The following RELCH variants were observed in gnomAD, a reference collection of about 807,000 sequenced individuals.
RELCH encodes RAB11 binding and LisH domain, coiled-coil and HEAT repeat containing, also known as RAB11-binding protein RELCH.
In RELCH, 41 loss-of-function variants were observed where a neutral mutation model predicts 150.3. That is an observed-to-expected ratio of 0.27 (90% CI 0.21 to 0.35). The LOEUF is 0.35. Ranked by LOEUF, RELCH falls within the 10% of genes least tolerant of loss-of-function variation. The pLI, the probability that RELCH is intolerant of heterozygous loss-of-function variation, is 1.00. For synonymous variants in RELCH, 478 were observed against 531.8 expected, an observed-to-expected ratio of 0.90 and a Z score of 1.39; for missense variants, 1,092 against 1,467.8, an observed-to-expected ratio of 0.74 and a Z score of 4.18.
At chr18:62,191,964 T>A (rs1363770662) in intron 1 of RELCH, among the ~76,000 whole-genome samples, 1 of 152,214 alleles carries the variant, frequency 6.6e-6, no homozygotes, top group East Asian at 1.9e-4. Context: ...CTTAGAGGAA[T>A]CACCACGCTG....
At chr18:62,260,747 G>A (rs1328402680) in intron 15 of RELCH, among the ~76,000 whole-genome samples, 1 of 151,876 alleles carries the variant, frequency 6.6e-6, no homozygotes, top group Non-Finnish European at 1.5e-5. Context: ...ATTAAAAAAA[G>A]AATGCTATCC....
At chr18:62,266,632 A>G in intron 18 of RELCH, 69 bp from the exon 19 acceptor site, 1 of 950,138 alleles carries the variant, frequency 1.1e-6, no homozygotes, top group Non-Finnish European at 1.7e-6. Flanking sequence ...CAACAGTAGT[A>G]AACATTTCAT....
chr18:62,206,290 C>T (rs2039774215), intron 1 of RELCH, among the ~76,000 whole-genome samples: 1 of 152,142 alleles, frequency 6.6e-6, no homozygotes, highest in Non-Finnish European at 1.5e-5. Flanking sequence ...CAAGCTATTA[C>T]TTAGCAGGTA....
chr18:62,187,396 TG>T lies in RELCH; in HGVS notation c.-108del. On this transcript the variant is annotated 5_prime_UTR_variant, in exon 1 of 29. Coordinates refer to ENST00000644646, the MANE Select transcript of RELCH (RefSeq NM_001346231.2). ...TGTCTCTAAGTCGGGAGGCAGGACG[TG>T]GTCAGGCCGGGGCTGTGGAGGTGCG... 9.4e-7 allele frequency: 1 copy of T among 1,061,534 alleles called. No individual in the cohort carries two copies. The highest frequency in any genetic ancestry group is 1.3e-6 in the Non-Finnish European group (1 of 775,164). The allele number at this position is 1,061,534 out of a possible 1,614,324, so 65.8% of individuals were successfully genotyped here. A position where few individuals can be genotyped will look rare whatever the true frequency, so the allele number is the denominator to read the frequency against.
At chr18:62,262,368 A>C (rs2043317905) in intron 16 of RELCH, among the ~76,000 whole-genome samples, 1 of 152,056 alleles carries the variant, frequency 6.6e-6, no homozygotes, top group South Asian at 2.1e-4. Flanking sequence ...CAGAGTTGTG[A>C]AATTATCCAT....
In RELCH at chr18:62,227,440, C is replaced by G; in HGVS notation, c.1010C>G (p.Thr337Arg). 6.2e-7 allele frequency: 1 copy of G among 1,613,292 alleles called. No homozygotes were observed. The highest frequency in any genetic ancestry group is 8.5e-7 in the Non-Finnish European group (1 of 1,179,608). Reference sequence around the variant, plus strand: ...GAAGAAGATGAATTAGAGGCCCTTACACCAATTATAAGCAACCTTCCTCCA... The same window carrying G: ...GAAGAAGATGAATTAGAGGCCCTTAGACCAATTATAAGCAACCTTCCTCCA... ...GVEEDELEALTPIISNLPPTL... is the reference protein window; with the variant it reads ...GVEEDELEALRPIISNLPPTL... The change falls in exon 6 of 29, where the codon ACA becomes AGA. Residue 337 changes from threonine (T) to arginine (R), a missense_variant. Coordinates refer to ENST00000644646, the MANE Select transcript of RELCH (RefSeq NM_001346231.2).
At chr18:62,300,731 C>G (rs2045627567) in intron 28 of RELCH, 1 of 152,092 alleles carries the variant, frequency 6.6e-6, no homozygotes, top group Non-Finnish European at 1.5e-5. Flanking sequence ...GAGTACATCC[C>G]AAGTGGTAAA....
In RELCH at chr18:62,253,310, T is replaced by TGTGC. The variant is rs1340607833; in HGVS notation, c.1824+558_1824+559insGCGT. On this transcript the variant is annotated intron_variant, in intron 12 of 28. Coordinates refer to ENST00000644646, the MANE Select transcript of RELCH (RefSeq NM_001346231.2). Reference sequence around the variant, plus strand: ...GTGTGTGTGTGTGTGTGTGTGTGTGTGTAAATAGAAATATATATTGTATAC... The same window carrying TGTGC: ...GTGTGTGTGTGTGTGTGTGTGTGTGTGTGCGTAAATAGAAATATATATTGTATAC... Among the ~76,000 whole-genome samples, 22 of 148,370 alleles carry TGTGC rather than the reference T, an allele frequency of 1.5e-4. 1 individual carries two copies. Among genetic ancestry groups the TGTGC allele is most frequent in the Admixed American group, 1.5e-3 (22 of 14,986 alleles).
Position 62,275,466 on chromosome 18 carries a change from T to C in RELCH, c.2960T>C (p.Met987Thr), listed in dbSNP as rs372735779. The C allele has an allele frequency of 6.2e-7, 1 of 1,603,202 alleles. No homozygotes were observed. Reference sequence around the variant, plus strand: ...CTCGTGAGGTGTACTGCTGCTAGAATGTTTGAGGTATGTCAACACATGCCT... The same window carrying C: ...CTCGTGAGGTGTACTGCTGCTAGAACGTTTGAGGTATGTCAACACATGCCT... Reference protein sequence around the residue: ...SALVRCTAARMFELLVKGVNE... With the variant: ...SALVRCTAARTFELLVKGVNE... The change falls in exon 22 of 29, where the codon ATG becomes ACG. Residue 987 changes from methionine to threonine, a missense_variant. Met to Thr is a moderately conservative substitution (Grantham distance 81). Around this residue, in one of 4 missense-constraint regions of RELCH, gnomAD observed 707 missense variants for 1,025.4 expected, o/e 0.69. Transcript: ENST00000644646.
At chr18:62,301,286 G>A (rs528044872) in intron 28 of RELCH, among the ~76,000 whole-genome samples, 4 of 152,290 alleles carry the variant, frequency 2.6e-5, no homozygotes, top group African/African-American at 9.6e-5. Context: ...AGACAATAAA[G>A]AATTCTGTGT....
At chr18:62,263,684 G>A (rs1335806909) in intron 16 of RELCH, among the ~76,000 whole-genome samples, 1 of 151,774 alleles carries the variant, frequency 6.6e-6, no homozygotes, top group African/African-American at 2.4e-5. Flanking sequence ...ATTTATGTCA[G>A]GCATTGTTTT....
chr18:62,252,686 G>A lies in RELCH; in HGVS notation c.1756G>A (p.Val586Met). 3 of 1,613,974 alleles carry A rather than the reference G, an allele frequency of 1.9e-6. No individual in the cohort carries two copies. Among genetic ancestry groups the A allele is most frequent in the Non-Finnish European group, 2.5e-6 (3 of 1,179,918 alleles). Residue 586 changes from valine (V) to methionine (M), a missense_variant, in exon 12 of 29, where the codon GTG (valine) becomes ATG (methionine). By Grantham distance (21) the Val-to-Met change is conservative. This residue lies in a region of RELCH where 707 missense variants were observed against 1,025.4 expected (regional missense o/e 0.69). Coordinates refer to ENST00000644646, the MANE Select transcript of RELCH (RefSeq NM_001346231.2). The part of the protein sequence containing the change: ...EQRQMILTGC[V>M]AFARHVGPTR... The stretch of plus-strand genomic sequence containing the variant: ...CAGGCAAATGATACTGACAGGTTGT[G>A]TGGCATTTGCGCGTCATGTTGGACC...
intron 15 of RELCH, 123 bp downstream of exon 15, chr18:62,258,799 C>A: frequency 1.7e-6 from 1 of 576,102 alleles, no homozygotes; most frequent in African/African-American, 2.0e-5. Context: ...AATACATTAC[C>A]AGTTAAAGAT....
At chr18:62,198,849 T>C (rs1456126267) in intron 1 of RELCH, among the ~76,000 whole-genome samples, 2 of 152,060 alleles carry the variant, frequency 1.3e-5, no homozygotes, top group African/African-American at 4.8e-5. Context: ...AATTTTTTAA[T>C]TTCTTCTCTT....
chr18:62,265,283 C>G (rs570999751), intron 18 of RELCH, among the ~76,000 whole-genome samples: 1 of 151,990 alleles, frequency 6.6e-6, no homozygotes, highest in Admixed American at 6.6e-5. Context: ...AAACTTGCTG[C>G]GAAGATGCCA....
At chr18:62,198,233 C>A (rs2039178221) in intron 1 of RELCH, among the ~76,000 whole-genome samples, 1 of 152,246 alleles carries the variant, frequency 6.6e-6, no homozygotes, top group Admixed American at 6.5e-5. Flanking sequence ...TAAACCTCAA[C>A]TGACAGCCAA....
At chr18:62,232,178 CTGT>C (rs536910477) in intron 9 of RELCH, among the ~76,000 whole-genome samples, 151 bp from the exon 10 acceptor site, 3,518 of 149,814 alleles carry the variant, frequency 0.023, 61 homozygotes, top group Middle Eastern at 0.065. Context: ...GCTGCTGCTG[CTGT>C]TGTTGTTGTT....
At chr18:62,190,131 C>CA (rs1205083649) in intron 1 of RELCH, among the ~76,000 whole-genome samples, 2 of 152,052 alleles carry the variant, frequency 1.3e-5, no homozygotes, top group African/African-American at 4.8e-5. Context: ...TTTTAAAAAA[C>CA]AAAAAATGGA....
chr18:62,224,420 C>G (rs1478831400), intron 5 of RELCH, among the ~76,000 whole-genome samples: 1 of 152,076 alleles, frequency 6.6e-6, no homozygotes, highest in East Asian at 1.9e-4. Flanking sequence ...AAGATTCTAG[C>G]TAGTGCAATA....
Sources: gnomAD v4.1 joint callset for allele counts (sites outside exome capture counted in the v4.1 genomes callset) on GRCh38, gnomAD v4.1.1 for gene constraint, gnomAD v4.1.1 regional missense constraint, MANE v1.5 for transcripts, NCBI Gene and HGNC (gene_info 2026-07-23, HGNC 2026-07-21) for gene names.